Variants in ROBO1 observed in about 807,000 individuals in gnomAD.
The protein encoded by ROBO1 is roundabout homolog 1.
Under a neutral mutation model 195.9 loss-of-function variants are expected in ROBO1, and 149 were observed. That is an observed-to-expected ratio of 0.76 (90% CI 0.67 to 0.87). The LOEUF (loss-of-function observed/expected upper bound fraction) is 0.87. Ranked by LOEUF, ROBO1 falls within the 40% of genes least tolerant of loss-of-function variation. The probability of loss-of-function intolerance (pLI) is 0.00; values close to 1 mark genes in which losing one functional copy is unlikely to be tolerated. For synonymous variants in ROBO1, 816 were observed against 733.2 expected (o/e 1.11, Z -1.82); for missense variants, 1,933 against 2,068.3 (o/e 0.93, Z 1.27).
At chr3:79,696,471 T>C (rs527456464) in intron 1 of ROBO1, among the ~76,000 whole-genome samples, 56 of 149,316 alleles carry the variant, frequency 3.8e-4, no homozygotes, top group African/African-American at 1.1e-3. Flanking sequence ...TATATATATA[T>C]ACACACACAG....
intron 2 of ROBO1, among the ~76,000 whole-genome samples, chr3:79,436,762 A>T (rs2107088095): frequency 6.6e-6 from 1 of 152,206 alleles, no homozygotes; most frequent in African/African-American, 2.4e-5. Context: ...GATCATTCCA[A>T]AAACTTCAGG....
intron 4 of ROBO1, among the ~76,000 whole-genome samples, chr3:78,821,740 T>G (rs1175430392): frequency 2.6e-5 from 4 of 152,196 alleles, no homozygotes; most frequent in Non-Finnish European, 2.9e-5. Flanking sequence ...CAGGATAATT[T>G]AATTTAATTC....
rs184178582 is a variant in ROBO1, at chr3:79,271,787, C to T, written c.89-146248G>A. On this transcript the variant is annotated intron_variant, in intron 2 of 30. Transcript: ENST00000464233. The stretch of plus-strand genomic sequence containing the variant: ...TCCCAGAATCTATAATAACACCTGG[C>T]ACATTTGAGTTACTGAATTAAGGTT... 3.9e-5 allele frequency among the ~76,000 whole-genome samples: 6 copies of T among 152,142 alleles called. No individual in the cohort carries two copies. In the East Asian group the frequency reaches 7.7e-4, roughly 20 times the overall value.
At chr3:79,410,594 G>A (rs977919773) in intron 2 of ROBO1, among the ~76,000 whole-genome samples, 2 of 148,916 alleles carry the variant, frequency 1.3e-5, no homozygotes, top group African/African-American at 4.9e-5. Context: ...AAAGGAGAAA[G>A]AGGAAGAAGA....
rs2108052491 is a variant in ROBO1, at chr3:78,714,544, A to T, written c.918-20T>A. ...TCATATCTAATGACATAACAAAAGAAAGCACAGTTAAGTGACTTTCTACTT... is the reference window on the plus strand; with the variant it reads ...TCATATCTAATGACATAACAAAAGATAGCACAGTTAAGTGACTTTCTACTT... On this transcript the variant is annotated intron_variant, in intron 7 of 30. Coordinates refer to ENST00000464233, the MANE Select transcript of ROBO1 (RefSeq NM_002941.4). 6.2e-7 allele frequency: 1 copy of T among 1,601,586 alleles called. No individual in the cohort carries two copies. The highest frequency in any genetic ancestry group is 1.1e-5 in the South Asian group (1 of 88,356).
chr3:78,960,662 C>G (rs2041286250), intron 3 of ROBO1, among the ~76,000 whole-genome samples: 1 of 151,918 alleles, frequency 6.6e-6, no homozygotes, highest in South Asian at 2.1e-4. Context: ...TGCCTGTAGT[C>G]TCAGTTCCTC....
chr3:79,472,139 A>T (rs1233812059), intron 2 of ROBO1, among the ~76,000 whole-genome samples: 2 of 152,114 alleles, frequency 1.3e-5, no homozygotes, highest in Non-Finnish European at 2.9e-5. Flanking sequence ...TGAGTAGAAA[A>T]TTTGTGCCCA....
chr3:78,706,191 T>C (rs1158243885), intron 8 of ROBO1, among the ~76,000 whole-genome samples: 14 of 151,992 alleles, frequency 9.2e-5, no homozygotes, highest in Admixed American at 8.5e-4. Context: ...AGGATGCTTA[T>C]GTGAATCAAG....
In ROBO1 at chr3:79,619,155, G is replaced by A. The variant is rs986842710; in HGVS notation, c.-50-29194C>T. 5.9e-5 allele frequency among the ~76,000 whole-genome samples: 9 copies of A among 152,258 alleles called. No homozygotes were observed. The East Asian group carries it at 9.7e-4, about 16-fold the overall frequency. ...CACATTCCATTGGTGTCTGGTCACC[G>A]CAGGGATGCCTGCCTTGGTCATTCA... On this transcript the variant is annotated intron_variant, in intron 1 of 30. Transcript: ENST00000464233.
At chr3:79,671,915 A>T (rs1283882887) in intron 1 of ROBO1, among the ~76,000 whole-genome samples, 1 of 151,936 alleles carries the variant, frequency 6.6e-6, no homozygotes, top group Non-Finnish European at 1.5e-5. Context: ...AATATTAATG[A>T]GGAAAATAAC....
intron 1 of ROBO1, among the ~76,000 whole-genome samples, chr3:79,629,592 C>A (rs931676120): frequency 6.6e-6 from 1 of 151,556 alleles, no homozygotes. Flanking sequence ...ACTAGATAAA[C>A]AAGAACTAAA....
intron 2 of ROBO1, among the ~76,000 whole-genome samples, chr3:79,366,714 G>C (rs1382417797): frequency 1.3e-5 from 2 of 152,138 alleles, no homozygotes; most frequent in African/African-American, 4.8e-5. Context: ...GAGAGTTCCA[G>C]GGTCACATTT....
intron 2 of ROBO1, among the ~76,000 whole-genome samples, chr3:79,217,292 T>G (rs1230245761): frequency 6.6e-6 from 1 of 152,084 alleles, no homozygotes; most frequent in African/African-American, 2.4e-5. Flanking sequence ...TTTTTAAAAC[T>G]TCCAATTTAA....
chr3:79,268,607 G>C (rs2030219162), intron 2 of ROBO1, among the ~76,000 whole-genome samples: 1 of 151,562 alleles, frequency 6.6e-6, no homozygotes, highest in Non-Finnish European at 1.5e-5. Flanking sequence ...ACACGCTCTT[G>C]TTTTGATTCA....
At chr3:78,927,266 C>A (rs962504003) in intron 4 of ROBO1, among the ~76,000 whole-genome samples, 5 of 152,182 alleles carry the variant, frequency 3.3e-5, no homozygotes, top group Non-Finnish European at 5.9e-5. Flanking sequence ...GGAAACAGAA[C>A]AGTACATTCT....
chr3:79,547,619 G>A (rs1456898699), intron 2 of ROBO1, among the ~76,000 whole-genome samples: 3 of 152,168 alleles, frequency 2.0e-5, no homozygotes, highest in Non-Finnish European at 4.4e-5. Flanking sequence ...ATATTTAGGT[G>A]TGGGAATGTA....
At chr3:79,697,120 T>G (rs1947471457) in intron 1 of ROBO1, among the ~76,000 whole-genome samples, 1 of 151,528 alleles carries the variant, frequency 6.6e-6, no homozygotes, top group South Asian at 2.1e-4. Context: ...TCTCTTGGTA[T>G]GGACTACCCA....
At chr3:78,641,311 GA>G (rs1421533236) in intron 21 of ROBO1, among the ~76,000 whole-genome samples, 1 of 152,112 alleles carries the variant, frequency 6.6e-6, no homozygotes, top group Non-Finnish European at 1.5e-5. Context: ...GCTGGCCCTA[GA>G]CTTTACACTC....
intron 14 of ROBO1, among the ~76,000 whole-genome samples, chr3:78,665,868 T>C (rs1575876644): frequency 1.3e-5 from 2 of 152,128 alleles, no homozygotes; most frequent in African/African-American, 2.4e-5. Flanking sequence ...TGTTTCTCTA[T>C]ATTTCCAGTA....
Sources: gnomAD v4.1 joint callset for allele counts (sites outside exome capture counted in the v4.1 genomes callset) on GRCh38, gnomAD v4.1.1 for gene constraint, MANE v1.5 for transcripts, NCBI Gene and HGNC (gene_info 2026-07-23, HGNC 2026-07-21) for gene names.